The following TMC7 variants were observed in gnomAD, a reference collection of about 807,000 sequenced individuals.
TMC7 encodes transmembrane channel-like protein 7.
In TMC7, 54 loss-of-function variants were observed where a neutral mutation model predicts 82.9. That is an observed-to-expected ratio of 0.65 (90% confidence interval 0.52 to 0.82). The LOEUF (loss-of-function observed/expected upper bound fraction) is 0.82. Among genes scored for constraint, TMC7 ranks in the 40% least tolerant of loss-of-function variants. TMC7 has a pLI of 0.00. For synonymous variants in TMC7, 350 were observed against 337.9 expected, an observed-to-expected ratio of 1.04 and a Z score of -0.39; for missense variants, 820 against 901.2, an observed-to-expected ratio of 0.91 and a Z score of 1.15.
chr16:19,057,641 C>G (rs1961832846), intron 14 of TMC7, among the ~76,000 whole-genome samples: 1 of 152,244 alleles, frequency 6.6e-6, no homozygotes, highest in African/African-American at 2.4e-5. Flanking sequence ...TGGGTTCACC[C>G]CAGCAGTGCT....
At chr16:19,033,400 G>T (rs1960605775) in intron 6 of TMC7, 1 of 152,244 alleles carries the variant, frequency 6.6e-6, no homozygotes, top group East Asian at 1.9e-4. Context: ...TGTAGTTCTG[G>T]GTCAGGCCCG....
At chr16:19,054,509 A>T (rs1388560441) in intron 13 of TMC7, among the ~76,000 whole-genome samples, 1 of 152,092 alleles carries the variant, frequency 6.6e-6, no homozygotes, top group Non-Finnish European at 1.5e-5. Context: ...TGAGGTCAGG[A>T]GTTCGAGACC....
chr16:19,059,893 C>G, intron 15 of TMC7: 1 of 472,380 alleles, frequency 2.1e-6, no homozygotes, highest in South Asian at 2.1e-5. Context: ...AGGAGAATCC[C>G]TTGAACTCAG....
At chr16:19,014,228 T>C (rs7188759) in intron 2 of TMC7, among the ~76,000 whole-genome samples, 45,672 of 151,704 alleles carry the variant, frequency 0.3, 7,113 homozygotes, top group Non-Finnish European at 0.33. Context: ...TGTCTGTGGA[T>C]TGGAGGATGT....
At chr16:19,054,382 A>G (rs1961673187) in intron 13 of TMC7, among the ~76,000 whole-genome samples, 2 of 151,982 alleles carry the variant, frequency 1.3e-5, no homozygotes, top group Non-Finnish European at 2.9e-5. Flanking sequence ...TTCCCCCCCA[A>G]CCACATTAAA....
rs772072274 is a variant in TMC7 at position 19,035,662 on chromosome 16, T to C, written c.858-14T>C. 6.2e-7 allele frequency: 1 copy of C among 1,614,070 alleles called. No homozygotes were observed. Among genetic ancestry groups the C allele is most frequent in the Admixed American group, 1.7e-5 (1 of 59,998 alleles). ...GTTGTTTCTATAAGAAGGATGATTG[T>C]GTTTTGGGGTCAGGTCGGTGGAAGG... On this transcript the variant is annotated splice_polypyrimidine_tract_variant and intron_variant, in intron 6 of 15. Transcript: ENST00000304381.
intron 1 of TMC7, among the ~76,000 whole-genome samples, chr16:18,989,810 G>A (rs867988386): frequency 1.3e-5 from 2 of 149,854 alleles, no homozygotes; most frequent in East Asian, 2.0e-4. Context: ...GGCCTCTCGG[G>A]GGGAGGCGAC....
At chr16:19,037,820 C>A (rs771965688) in intron 7 of TMC7, 54 bp from the exon 8 acceptor site, 151 of 1,534,500 alleles carry the variant, frequency 9.8e-5, no homozygotes, top group Non-Finnish European at 1.3e-4. Context: ...CAATTTCTAT[C>A]CCTGAGTATC....
chr16:19,039,932 A>G (rs1251989660), intron 8 of TMC7, among the ~76,000 whole-genome samples: 2 of 151,926 alleles, frequency 1.3e-5, no homozygotes, highest in African/African-American at 4.8e-5. Flanking sequence ...CCTGACCAAC[A>G]TGGTGACACC....
intron 1 of TMC7, among the ~76,000 whole-genome samples, chr16:19,006,132 CT>C: frequency 6.6e-6 from 1 of 152,246 alleles, no homozygotes; most frequent in African/African-American, 2.4e-5. Context: ...ATGTGATCCC[CT>C]TTAATGTTCA....
intron 1 of TMC7, among the ~76,000 whole-genome samples, chr16:18,990,003 T>C (rs1229007445): frequency 6.6e-6 from 1 of 151,406 alleles, no homozygotes. Flanking sequence ...CAAAGGGTGG[T>C]GGATTATCAT....
chr16:19,050,033 TAC>T (rs911657902), intron 12 of TMC7, among the ~76,000 whole-genome samples: 1 of 152,112 alleles, frequency 6.6e-6, no homozygotes, highest in African/African-American at 2.4e-5. Context: ...TTATTGTAGA[TAC>T]AGTTATACAT....
chr16:19,013,828 T>C (rs1596742901), intron 2 of TMC7, among the ~76,000 whole-genome samples: 1 of 142,634 alleles, frequency 7.0e-6, no homozygotes, highest in Non-Finnish European at 1.5e-5. Flanking sequence ...CGAGGGAGGG[T>C]TTTTTTAACC....
chr16:18,996,247 G>A (rs1366467785), intron 1 of TMC7, among the ~76,000 whole-genome samples: 2 of 152,054 alleles, frequency 1.3e-5, no homozygotes. Context: ...TAGAAAAGAA[G>A]GATTCAAAGG....
At chr16:19,054,437 T>G (rs920548288) in intron 13 of TMC7, among the ~76,000 whole-genome samples, 5 of 152,004 alleles carry the variant, frequency 3.3e-5, no homozygotes, top group African/African-American at 1.2e-4. Flanking sequence ...CATGGTAGGC[T>G]GGGCGCGGTG....
At chr16:19,029,305 C>T (rs1010556127) in intron 5 of TMC7, among the ~76,000 whole-genome samples, 4 of 151,852 alleles carry the variant, frequency 2.6e-5, no homozygotes, top group Non-Finnish European at 5.9e-5. Context: ...GTGCCCGGCA[C>T]GAGATTTGCA....
chr16:19,009,076 A>G (rs1229723528), intron 1 of TMC7, 96 bp from the exon 2 acceptor site: 10 of 1,387,264 alleles, frequency 7.2e-6, no homozygotes, highest in Non-Finnish European at 8.9e-6. Flanking sequence ...GCTAGTAACT[A>G]TCTGCAAGGT....
At chr16:19,002,136 G>A (rs909872352) in intron 1 of TMC7, among the ~76,000 whole-genome samples, 8 of 152,030 alleles carry the variant, frequency 5.3e-5, no homozygotes, top group African/African-American at 1.9e-4. Flanking sequence ...TGTCCTGTGG[G>A]AAAAGTTGCC....
chr16:19,009,486 T>C, intron 2 of TMC7, 71 bp downstream of exon 2: 2 of 1,519,704 alleles, frequency 1.3e-6, no homozygotes, highest in Non-Finnish European at 1.8e-6. Flanking sequence ...GTGCGTGAAA[T>C]GCATTTCCTG....
Sources: gnomAD v4.1 joint callset for allele counts (sites outside exome capture counted in the v4.1 genomes callset) on GRCh38, gnomAD v4.1.1 for gene constraint, MANE v1.5 for transcripts, NCBI Gene and HGNC (gene_info 2026-07-23, HGNC 2026-07-21) for gene names.